Variants in CLUAP1 observed in about 807,000 individuals in gnomAD.
CLUAP1 encodes intraflagellar transport 38.
CLUAP1 carries 50 observed loss-of-function variants against 55.0 expected under a neutral mutation model. That is an observed-to-expected ratio of 0.91 (90% CI 0.72 to 1.15). The LOEUF is 1.15. Among genes scored for constraint, CLUAP1 ranks in the 50% most tolerant of loss-of-function variants. CLUAP1 has a pLI of 0.00. For missense variants in CLUAP1, 530 were observed against 507.6 expected, an observed-to-expected ratio of 1.04 and a Z score of -0.42; for synonymous variants, 195 against 175.4, an observed-to-expected ratio of 1.11 and a Z score of -0.88.
chr16:3,498,116 T>G (rs569885823), upstream of CLUAP1, among the ~76,000 whole-genome samples: 1 of 152,054 alleles, frequency 6.6e-6, no homozygotes, highest in South Asian at 2.1e-4. Flanking sequence ...TGAGGGCTGG[T>G]GTAAGTCCTG....
At chr16:3,527,736 G>A (rs779739978) in intron 9 of CLUAP1, among the ~76,000 whole-genome samples, 2 of 152,120 alleles carry the variant, frequency 1.3e-5, no homozygotes, top group Non-Finnish European at 2.9e-5. Flanking sequence ...GATAGTAGTA[G>A]CAAATTAGTG....
intron 9 of CLUAP1, among the ~76,000 whole-genome samples, chr16:3,529,744 T>A (rs1216504115): frequency 4.7e-5 from 2 of 42,764 alleles, no homozygotes; most frequent in African/African-American, 2.0e-4. Context: ...TTATTATATA[T>A]TATATATTAT....
At chr16:3,526,329 GC>G in intron 8 of CLUAP1, 82 bp from the exon 9 acceptor site, 1 of 828,430 alleles carries the variant, frequency 1.2e-6, no homozygotes. Context: ...CACAAACTTA[GC>G]AGTCCTTACA....
intron 5 of CLUAP1, among the ~76,000 whole-genome samples, chr16:3,513,002 T>C (rs2037661980): frequency 6.6e-6 from 1 of 152,212 alleles, no homozygotes; most frequent in African/African-American, 2.4e-5. Flanking sequence ...TAACTTCTTG[T>C]TTAGGAGTGG....
At chr16:3,522,913 A>G (rs1408164162) in intron 7 of CLUAP1, among the ~76,000 whole-genome samples, 1 of 152,198 alleles carries the variant, frequency 6.6e-6, no homozygotes, top group Non-Finnish European at 1.5e-5. Flanking sequence ...GTCATTCTTC[A>G]TACTTTCAGG....
upstream of CLUAP1, chr16:3,500,837 G>A (rs1365488822): frequency 1.7e-6 from 1 of 573,342 alleles, no homozygotes; most frequent in Non-Finnish European, 3.1e-6. Context: ...AGCCCTCATA[G>A]ACGCCGGTAT....
chr16:3,508,262 C>CT (rs74751146), intron 3 of CLUAP1, 27 bp from the exon 4 acceptor site: 52,993 of 1,281,182 alleles, frequency 0.041, no homozygotes, highest in Non-Finnish European at 0.045. Flanking sequence ...GGGCCTTCAA[C>CT]TTTTTTTTTT....
At chr16:3,497,113 C>T (rs576208486), upstream of CLUAP1, among the ~76,000 whole-genome samples, 17 of 151,860 alleles carry the variant, frequency 1.1e-4, no homozygotes, top group African/African-American at 3.6e-4. Context: ...TCAGGTGATC[C>T]GCCCACCTCG....
intron 10 of CLUAP1, among the ~76,000 whole-genome samples, chr16:3,530,985 T>C (rs954957219): frequency 2.6e-5 from 4 of 152,228 alleles, no homozygotes; most frequent in Non-Finnish European, 5.9e-5. Flanking sequence ...AGCCTGAGAA[T>C]TAATGCAGAA....
At chr16:3,526,938 C>T (rs1331784958) in intron 9 of CLUAP1, among the ~76,000 whole-genome samples, 3 of 152,128 alleles carry the variant, frequency 2.0e-5, no homozygotes, top group Admixed American at 6.5e-5. Context: ...GGATGCAGTG[C>T]AGGGAGAGGG....
intron 11 of CLUAP1, 143 bp downstream of exon 11, chr16:3,532,984 C>T: frequency 2.3e-6 from 3 of 1,331,626 alleles, no homozygotes; most frequent in Non-Finnish European, 2.1e-6. Context: ...AGGGTTTGGC[C>T]TCATGAGGCT....
At chr16:3,535,468 C>T (rs1373698319) in intron 11 of CLUAP1, 3 of 152,344 alleles carry the variant, frequency 2.0e-5, no homozygotes, top group Admixed American at 6.6e-5. Context: ...TTACATGGGA[C>T]GCAGGAACTG....
chr16:3,495,613 A>G, the CLUAP1 span: 9 of 1,260,002 alleles, frequency 7.1e-6, no homozygotes, highest in Non-Finnish European at 8.5e-6. Flanking sequence ...AGGGTGAAAG[A>G]AAGGCATGGG....
intron 4 of CLUAP1, among the ~76,000 whole-genome samples, chr16:3,509,604 G>A (rs1436880392): frequency 2.0e-5 from 3 of 152,184 alleles, no homozygotes; most frequent in Admixed American, 6.5e-5. Flanking sequence ...AGGTTAAGCC[G>A]TTACTCTGAG....
chr16:3,520,787 C>A (rs2151057997), intron 7 of CLUAP1, among the ~76,000 whole-genome samples: 1 of 152,272 alleles, frequency 6.6e-6, no homozygotes, highest in Middle Eastern at 3.4e-3. Context: ...CATCTTTCTT[C>A]CTACGTTACC....
intron 2 of CLUAP1, among the ~76,000 whole-genome samples, chr16:3,505,144 C>T (rs2151041519): frequency 6.6e-6 from 1 of 152,276 alleles, no homozygotes; most frequent in Non-Finnish European, 1.5e-5. Flanking sequence ...GAGGCTGAGG[C>T]AGGAGGATCA....
At chr16:3,503,031 G>C (rs1357981862) in intron 1 of CLUAP1, among the ~76,000 whole-genome samples, 1 of 152,132 alleles carries the variant, frequency 6.6e-6, no homozygotes, top group Non-Finnish European at 1.5e-5. Context: ...TCCCAGGCTG[G>C]AGTGCAGTGG....
intron 11 of CLUAP1, 29 bp from the exon 12 acceptor site, chr16:3,536,093 C>G (rs771177405): frequency 6.2e-7 from 1 of 1,611,006 alleles, no homozygotes; most frequent in South Asian, 1.1e-5. Flanking sequence ...GCAGGATCCC[C>G]CGTTGCATCT....
At chr16:3,501,457 T>C (rs2151037462) in intron 1 of CLUAP1, among the ~76,000 whole-genome samples, 1 of 152,358 alleles carries the variant, frequency 6.6e-6, no homozygotes, top group South Asian at 2.1e-4. Flanking sequence ...TTAGAGACTA[T>C]TTTTTGAGTT....
Sources: gnomAD v4.1 joint callset for allele counts (sites outside exome capture counted in the v4.1 genomes callset) on GRCh38, gnomAD v4.1.1 for gene constraint, MANE v1.5 for transcripts, NCBI Gene and HGNC (gene_info 2026-07-23, HGNC 2026-07-21) for gene names.